TSPAN18: variants seen among roughly 807,000 people sequenced by gnomAD.
TSPAN18 encodes tetraspanin-18.
Under a neutral mutation model 27.3 loss-of-function variants are expected in TSPAN18, and 14 were observed. That is an observed-to-expected ratio of 0.51 (90% confidence interval 0.34 to 0.80). TSPAN18 has a LOEUF of 0.80. TSPAN18 is among the 30% of genes least tolerant of loss of function. The pLI is 0.01. For missense variants in TSPAN18, 268 were observed against 323.9 expected (o/e 0.83, Z 1.32); for synonymous variants, 143 against 136.5 (o/e 1.05, Z -0.33).
At chr11:44,799,663 G>A (rs773235863) in intron 2 of TSPAN18, among the ~76,000 whole-genome samples, 9 of 152,182 alleles carry the variant, frequency 5.9e-5, no homozygotes, top group Non-Finnish European at 8.8e-5. Context: ...AACCCATGAG[G>A]TAGGTGCTAC....
chr11:44,874,792 C>A (rs1272561516), intron 3 of TSPAN18, among the ~76,000 whole-genome samples: 1 of 152,198 alleles, frequency 6.6e-6, no homozygotes, highest in Non-Finnish European at 1.5e-5. Flanking sequence ...CCCAGGCTGG[C>A]TCCTGATCCA....
chr11:44,777,984 C>A (rs1855853102), intron 2 of TSPAN18, among the ~76,000 whole-genome samples: 1 of 152,082 alleles, frequency 6.6e-6, no homozygotes, highest in Non-Finnish European at 1.5e-5. Context: ...TTCCCCCCAA[C>A]AGAAAGGATA....
chr11:44,853,022 C>T (rs551201614), intron 2 of TSPAN18, among the ~76,000 whole-genome samples: 24 of 152,322 alleles, frequency 1.6e-4, no homozygotes, highest in South Asian at 1.2e-3. Context: ...GCTATACTAA[C>T]GCCCTAAGAA....
Position 44,893,285 on chromosome 11 carries a change from G to A in TSPAN18, c.-10-13122G>A, listed in dbSNP as rs561549765. Among the ~76,000 whole-genome samples the A allele has an allele frequency of 1.9e-4, 29 of 152,304 alleles. No individual in the cohort carries two copies. In the East Asian group the frequency reaches 5.4e-3, roughly 28 times the overall value. ...TTCACAGCTCCATGAGCCGGCGGGGGCAGGGGAGGCTGTCATTTAGGATCC... is the reference window on the plus strand; with the variant it reads ...TTCACAGCTCCATGAGCCGGCGGGGACAGGGGAGGCTGTCATTTAGGATCC... On this transcript the variant is annotated intron_variant, in intron 3 of 9. Transcript: ENST00000520358.
At chr11:44,738,366 C>A (rs1025672649) in intron 1 of TSPAN18, among the ~76,000 whole-genome samples, 3 of 152,240 alleles carry the variant, frequency 2.0e-5, no homozygotes, top group African/African-American at 7.2e-5. Flanking sequence ...TGGCTGGAGC[C>A]CCCCCGGCTG....
At chr11:44,785,589 C>T (rs1437352028) in intron 2 of TSPAN18, among the ~76,000 whole-genome samples, 1 of 151,148 alleles carries the variant, frequency 6.6e-6, no homozygotes, top group Non-Finnish European at 1.5e-5. Context: ...GCCCAAACTG[C>T]AGCCCCCTGT....
rs374443028 is a variant in TSPAN18, at chr11:44,790,470, T to A, written c.-153+25958T>A. On this transcript the variant is annotated intron_variant, in intron 2 of 9. Coordinates refer to ENST00000520358, the MANE Select transcript of TSPAN18 (RefSeq NM_130783.5). ...GTGTGTGCATGTGTGTATGCATGTG[T>A]TCGTGTGTGTGCATGAGTGTGTATG... Among the ~76,000 whole-genome samples, 911 of 150,736 alleles carry A rather than the reference T, an allele frequency of 6.0e-3. 13 individuals carry two copies. Among genetic ancestry groups the A allele is most frequent in the African/African-American group, 0.02 (805 of 40,946 alleles).
At chr11:44,828,834 T>C (rs1408592458) in intron 2 of TSPAN18, among the ~76,000 whole-genome samples, 1 of 152,046 alleles carries the variant, frequency 6.6e-6, no homozygotes, top group Non-Finnish European at 1.5e-5. Flanking sequence ...ATCCAGCCCA[T>C]CCCCAGGGCC....
intron 2 of TSPAN18, among the ~76,000 whole-genome samples, chr11:44,798,099 C>T (rs1856391961): frequency 6.6e-6 from 1 of 152,214 alleles, no homozygotes. Flanking sequence ...TCAGGCCAGC[C>T]TCCCTCCTGT....
intron 4 of TSPAN18, among the ~76,000 whole-genome samples, chr11:44,909,363 G>A (rs1408562492): frequency 1.3e-5 from 2 of 152,198 alleles, no homozygotes; most frequent in Non-Finnish European, 2.9e-5. Flanking sequence ...TGGAATCAGA[G>A]GGTTGGACTA....
Position 44,733,922 on chromosome 11 carries a change from A to G in TSPAN18, c.-240+6635A>G, listed in dbSNP as rs543552457. On this transcript the variant is annotated intron_variant, in intron 1 of 9. Coordinates refer to ENST00000520358, the MANE Select transcript of TSPAN18 (RefSeq NM_130783.5). ...TGGTTTGTTTGACCCTCCAAATCTC[A>G]TGTTGAAATTTGATCTCCACTGTTG... 9.9e-5 allele frequency among the ~76,000 whole-genome samples: 15 copies of G among 152,172 alleles called. No individual in the cohort carries two copies. In the East Asian group the frequency reaches 1.7e-3, roughly 18 times the overall value.
intron 5 of TSPAN18, among the ~76,000 whole-genome samples, chr11:44,911,962 C>G (rs11038204): frequency 0.47 from 65,617 of 140,204 alleles, 15,910 homozygotes; most frequent in East Asian, 0.71. Context: ...CCCTTTGTCC[C>G]CCTTCTTTCT....
intron 2 of TSPAN18, among the ~76,000 whole-genome samples, chr11:44,847,780 G>T (rs1490958324): frequency 2.0e-5 from 3 of 151,954 alleles, no homozygotes; most frequent in Non-Finnish European, 4.4e-5. Flanking sequence ...GGATGGGAAG[G>T]GGTTTGAAGA....
chr11:44,854,200 T>TGGG (rs397848626), intron 2 of TSPAN18, among the ~76,000 whole-genome samples: 24 of 76,802 alleles, frequency 3.1e-4, no homozygotes, highest in African/African-American at 1.1e-3. Context: ...GGGCAGGGGG[T>TGGG]GGGGGGGGGG....
chr11:44,779,669 C>T lies in TSPAN18; in HGVS notation c.-153+15157C>T, dbSNP rs531214279. The stretch of plus-strand genomic sequence containing the variant: ...GCACACAACTACCCACATACCTGTG[C>T]ATATTTACACACACACTGGCACACA... On this transcript the variant is annotated intron_variant, in intron 2 of 9. Transcript: ENST00000520358. 6.6e-5 allele frequency among the ~76,000 whole-genome samples: 10 copies of T among 152,188 alleles called. No homozygotes were observed. The East Asian group carries it at 1.9e-3, about 29-fold the overall frequency.
At chr11:44,791,916 C>A (rs1305149626) in intron 2 of TSPAN18, among the ~76,000 whole-genome samples, 1 of 152,144 alleles carries the variant, frequency 6.6e-6, no homozygotes, top group Non-Finnish European at 1.5e-5. Context: ...TTGGGGCTAG[C>A]ATTTTATTTG....
chr11:44,898,092 C>T (rs1457362130), intron 3 of TSPAN18, among the ~76,000 whole-genome samples: 3 of 152,214 alleles, frequency 2.0e-5, no homozygotes, highest in Non-Finnish European at 4.4e-5. Context: ...AGGCACTGCT[C>T]CAGACACTAG....
At chr11:44,730,429 G>A (rs1854624182) in intron 1 of TSPAN18, among the ~76,000 whole-genome samples, 1 of 152,064 alleles carries the variant, frequency 6.6e-6, no homozygotes. Flanking sequence ...GCTCAGCTGG[G>A]GTGCAGCACA....
In TSPAN18 at chr11:44,842,844, A is replaced by T. The variant is rs549814303; in HGVS notation, c.-152-17484A>T. Among the ~76,000 whole-genome samples the T allele has an allele frequency of 5.9e-5, 9 of 152,308 alleles. No homozygotes were observed. In the South Asian group the frequency reaches 1.9e-3, roughly 32 times the overall value. Reference sequence around the variant, plus strand: ...ACCAAGTTACCATCATCCAGATTAAAGTATAGAATGTTCCCATCCCTCCAG... The same window carrying T: ...ACCAAGTTACCATCATCCAGATTAATGTATAGAATGTTCCCATCCCTCCAG... On this transcript the variant is annotated intron_variant, in intron 2 of 9. Transcript: ENST00000520358.
Sources: allele counts gnomAD v4.1 joint callset (sites outside exome capture counted in the v4.1 genomes callset), GRCh38; gene constraint gnomAD v4.1.1; transcripts MANE v1.5; gene names NCBI Gene and HGNC (gene_info 2026-07-23, HGNC 2026-07-21).